NNT: variants seen among roughly 807,000 people sequenced by gnomAD.
NNT encodes the protein NAD(P) transhydrogenase, mitochondrial.
In NNT, 50 loss-of-function variants were observed where a neutral mutation model predicts 104.8. The observed-to-expected ratio is 0.48, with a 90% CI of 0.38 to 0.60. NNT has a LOEUF of 0.60. Ranked by LOEUF, NNT falls within the 20% of genes least tolerant of loss-of-function variation. The probability of loss-of-function intolerance (pLI) is 0.00; values close to 1 mark genes in which losing one functional copy is unlikely to be tolerated. For synonymous variants in NNT, 461 were observed against 490.4 expected, an observed-to-expected ratio of 0.94 and a Z score of 0.79; for missense variants, 1,131 against 1,330.7, an observed-to-expected ratio of 0.85 and a Z score of 2.33.
At chr5:43,609,517 C>T (rs922946181) in intron 2 of NNT, among the ~76,000 whole-genome samples, 171 bp downstream of exon 2, 4 of 152,146 alleles carry the variant, frequency 2.6e-5, no homozygotes, top group Non-Finnish European at 5.9e-5. Context: ...GTACTATAGA[C>T]GTTCCTGATT....
chr5:43,702,830 A>T (rs1742928344), intron 21 of NNT, 94 bp downstream of exon 21: 4 of 912,078 alleles, frequency 4.4e-6, no homozygotes, highest in Non-Finnish European at 6.6e-6. Context: ...AGAAATGATG[A>T]TGCCTTCTAG....
At chr5:43,662,978 A>G (rs907926602) in intron 17 of NNT, among the ~76,000 whole-genome samples, 5 of 152,152 alleles carry the variant, frequency 3.3e-5, no homozygotes, top group African/African-American at 1.2e-4. Flanking sequence ...ATAAAAAAAT[A>G]AAATCACCTA....
intron 6 of NNT, among the ~76,000 whole-genome samples, chr5:43,626,326 G>A (rs958826280): frequency 2.0e-5 from 3 of 152,046 alleles, no homozygotes; most frequent in African/African-American, 7.2e-5. Context: ...TGTAGGCTAC[G>A]TGCAAATACT....
intron 17 of NNT, among the ~76,000 whole-genome samples, chr5:43,671,953 TC>T (rs1310916026): frequency 2.0e-5 from 3 of 152,202 alleles, no homozygotes. Context: ...TTTCACATAG[TC>T]CCATATTTCT....
At position 43,667,694 on chromosome 5, in the gene NNT, T is replaced by C. The variant is rs565315573; in HGVS notation, c.2635-7817T>C. 2.6e-5 allele frequency among the ~76,000 whole-genome samples: 4 copies of C among 152,334 alleles called. No homozygotes were observed. In the East Asian group the frequency reaches 7.7e-4, roughly 29 times the overall value. On this transcript the variant is annotated intron_variant, in intron 17 of 21. Transcript: ENST00000344920. ...GGTGGACATTTGGGTTGGTTCCAAG[T>C]CTTTGCTATTGTGAATAGTGCCGCA...
At position 43,698,598 on chromosome 5, in the gene NNT, C is replaced by A. The variant is rs1163521248; in HGVS notation, c.2877-1521C>A. On this transcript the variant is annotated intron_variant, in intron 19 of 21. Transcript: ENST00000344920. ...TGTTTAATATTAGAAGTATTTTGGT[C>A]TTTATTTAGAAGTTTGGTGATATTT... Among the ~76,000 whole-genome samples the A allele has an allele frequency of 2.6e-5, 4 of 151,900 alleles. No homozygotes were observed. In the East Asian group the frequency reaches 7.7e-4, roughly 29 times the overall value.
chr5:43,634,875 T>C (rs773479390), intron 7 of NNT, among the ~76,000 whole-genome samples: 12 of 152,204 alleles, frequency 7.9e-5, no homozygotes, highest in Non-Finnish European at 1.3e-4. Flanking sequence ...ATTTAACAAA[T>C]GTTCTGTTAG....
chr5:43,694,643 G>T (rs1357645423), intron 19 of NNT, among the ~76,000 whole-genome samples: 1 of 151,960 alleles, frequency 6.6e-6, no homozygotes, highest in Admixed American at 6.6e-5. Context: ...CTTGATTGTG[G>T]TGTATTAGCT....
chr5:43,677,037 A>T (rs941896824), intron 18 of NNT, among the ~76,000 whole-genome samples: 1 of 152,154 alleles, frequency 6.6e-6, no homozygotes, highest in Admixed American at 6.5e-5. Flanking sequence ...TACCTGTAAT[A>T]ACATCAGAAA....
At chr5:43,637,778 T>C (rs1478434905) in intron 7 of NNT, among the ~76,000 whole-genome samples, 1 of 152,172 alleles carries the variant, frequency 6.6e-6, no homozygotes, top group Non-Finnish European at 1.5e-5. Flanking sequence ...CCCTCATTTA[T>C]ATTAACCTTG....
rs1749580858 is a variant in NNT at position 43,613,002 on chromosome 5, G to T, written c.246G>T (p.Leu82Phe). 2.5e-6 allele frequency: 4 copies of T among 1,614,104 alleles called. No individual in the cohort carries two copies. Among genetic ancestry groups the T allele is most frequent in the Non-Finnish European group, 3.4e-6 (4 of 1,179,996 alleles). The change falls in exon 3 of 22, where the codon TTG becomes TTT. Residue 82 changes from leucine (L) to phenylalanine (F), a missense_variant. By Grantham distance (22) the Leu-to-Phe change is conservative. Transcript: ENST00000344920. ...VALSPAGVQN[L>F]VKQGFNVVVE... is the part of the protein sequence containing the mutation. ...TGTCTCCTGCTGGTGTTCAGAACTT[G>T]GTCAAGCAGGGTTTTAATGTTGTCG...
At chr5:43,623,925 C>T in intron 5 of NNT, 107 bp from the exon 6 acceptor site, 1 of 1,001,382 alleles carries the variant, frequency 1.0e-6, no homozygotes, top group Non-Finnish European at 1.6e-6. Flanking sequence ...ATCTGCACCG[C>T]CATTTATTGA....
At chr5:43,618,989 C>A in intron 4 of NNT, 43 bp from the exon 5 acceptor site, 1 of 1,201,308 alleles carries the variant, frequency 8.3e-7, no homozygotes, top group Non-Finnish European at 1.1e-6. Context: ...GAGATCTCTC[C>A]TTTTATGGAA....
chr5:43,676,807 T>C (rs1741438129), intron 18 of NNT, among the ~76,000 whole-genome samples: 1 of 152,158 alleles, frequency 6.6e-6, no homozygotes, highest in African/African-American at 2.4e-5. Context: ...AGACAGTTTT[T>C]CAATCACAAG....
intron 19 of NNT, among the ~76,000 whole-genome samples, chr5:43,685,170 G>A (rs1178159889): frequency 6.6e-6 from 1 of 152,158 alleles, no homozygotes; most frequent in African/African-American, 2.4e-5. Context: ...AATATTTATA[G>A]TTTTAAAACA....
chr5:43,669,553 C>T (rs1740929410), intron 17 of NNT, among the ~76,000 whole-genome samples: 1 of 151,962 alleles, frequency 6.6e-6, no homozygotes, highest in Non-Finnish European at 1.5e-5. Flanking sequence ...TGGTTTTTGT[C>T]ATTGGTTCTG....
intron 18 of NNT, among the ~76,000 whole-genome samples, chr5:43,677,500 A>G (rs1219323535): frequency 6.6e-6 from 1 of 152,142 alleles, no homozygotes; most frequent in African/African-American, 2.4e-5. Flanking sequence ...GTTGCACAGC[A>G]GCATGAGACA....
rs551759227 is a variant in NNT at position 43,660,573 on chromosome 5, C to G, written c.2634+1223C>G. On this transcript the variant is annotated intron_variant, in intron 17 of 21. Transcript: ENST00000344920. ...ATTCTCACACTGCTGTAAAGAACTA[C>G]CTCAGACTGGGTAATTTATGAAGTA... 2.0e-5 allele frequency among the ~76,000 whole-genome samples: 3 copies of G among 152,260 alleles called. No individual in the cohort carries two copies. In the South Asian group the frequency reaches 6.2e-4, roughly 32 times the overall value.
chr5:43,677,880 C>A, intron 19 of NNT, 74 bp downstream of exon 19: 1 of 1,194,362 alleles, frequency 8.4e-7, no homozygotes, highest in South Asian at 1.2e-5. Flanking sequence ...TACAGTGGAC[C>A]CTTGAACAAT....
Sources: gnomAD v4.1 joint callset for allele counts (sites outside exome capture counted in the v4.1 genomes callset) on GRCh38, gnomAD v4.1.1 for gene constraint, MANE v1.5 for transcripts, NCBI Gene and HGNC (gene_info 2026-07-23, HGNC 2026-07-21) for gene names.